The following LRRC69 variants were observed in gnomAD, a reference collection of about 807,000 sequenced individuals.
LRRC69 encodes the protein leucine rich repeat containing 69.
Under a neutral mutation model 37.8 loss-of-function variants are expected in LRRC69, and 42 were observed. That is an observed-to-expected ratio of 1.11 (90% confidence interval 0.87 to 1.44). LRRC69 has a LOEUF of 1.44. Among genes scored for constraint, LRRC69 ranks in the 40% most tolerant of loss-of-function variants. LRRC69 has a pLI of 0.00. For synonymous variants in LRRC69, 141 were observed against 143.1 expected, an observed-to-expected ratio of 0.99 and a Z score of 0.11; for missense variants, 357 against 401.9, an observed-to-expected ratio of 0.89 and a Z score of 0.96.
intron 4 of LRRC69, among the ~76,000 whole-genome samples, chr8:91,133,896 T>G (rs943060876): frequency 6.6e-6 from 1 of 152,042 alleles, no homozygotes. Context: ...CCTCCCAAAG[T>G]GCTGGGATTA....
chr8:91,191,295 A>T (rs115737283), intron 6 of LRRC69, among the ~76,000 whole-genome samples: 6 of 152,140 alleles, frequency 3.9e-5, no homozygotes, highest in Non-Finnish European at 1.5e-5. Context: ...AAATAATTTG[A>T]GTAACAGTTG....
At position 91,198,577 on chromosome 8, in the gene LRRC69, A is replaced by AAG. The variant is rs1563622770; in HGVS notation, c.754-2036_754-2035insAG. ...TGTATAATTTAATAACTCAAAAATT[A>AAG]TAAGGAAAATGTAGGACATATAAAA... On this transcript the variant is annotated intron_variant, in intron 6 of 7. Transcript: ENST00000448384. Among the ~76,000 whole-genome samples, 34 of 151,634 alleles carry AAG rather than the reference A, an allele frequency of 2.2e-4. No homozygotes were observed. The East Asian group carries it at 6.0e-3, about 27-fold the overall frequency.
chr8:91,185,277 G>A (rs1322908857), intron 5 of LRRC69, among the ~76,000 whole-genome samples: 1 of 152,146 alleles, frequency 6.6e-6, no homozygotes, highest in East Asian at 1.9e-4. Flanking sequence ...GCCTGGGCTT[G>A]GGGGCCTTCA....
chr8:91,104,924 A>C (rs1009015825), intron 1 of LRRC69, among the ~76,000 whole-genome samples: 1 of 152,098 alleles, frequency 6.6e-6, no homozygotes, highest in Non-Finnish European at 1.5e-5. Context: ...AAAAAGCCCC[A>C]AGAGTCTGAT....
chr8:91,209,229 C>A (rs939805391), intron 7 of LRRC69, among the ~76,000 whole-genome samples: 3 of 152,034 alleles, frequency 2.0e-5, no homozygotes, highest in East Asian at 1.9e-4. Flanking sequence ...GAATTTGAGA[C>A]CAGCCTGACC....
At chr8:91,107,836 T>A (rs1273319665) in intron 1 of LRRC69, among the ~76,000 whole-genome samples, 2 of 152,084 alleles carry the variant, frequency 1.3e-5, no homozygotes, top group Admixed American at 6.6e-5. Context: ...TCTTGAAATA[T>A]GGGGATGTCA....
At chr8:91,147,518 C>T (rs1808644177) in intron 5 of LRRC69, among the ~76,000 whole-genome samples, 1 of 151,626 alleles carries the variant, frequency 6.6e-6, no homozygotes, top group South Asian at 2.1e-4. Context: ...TATCTTCCCA[C>T]TTCAGCCTCC....
At chr8:91,173,478 A>T (rs986556825) in intron 5 of LRRC69, among the ~76,000 whole-genome samples, 18 of 152,116 alleles carry the variant, frequency 1.2e-4, no homozygotes, top group Non-Finnish European at 2.9e-5. Context: ...AAGTTTTGGC[A>T]TGGGAAGGAG....
At chr8:91,151,714 C>A (rs1015658921) in intron 5 of LRRC69, among the ~76,000 whole-genome samples, 2 of 151,660 alleles carry the variant, frequency 1.3e-5, no homozygotes, top group East Asian at 3.9e-4. Flanking sequence ...ATTGAGGAAT[C>A]ACCACACTGT....
intron 1 of LRRC69, among the ~76,000 whole-genome samples, chr8:91,105,724 G>C (rs1813301445): frequency 6.8e-6 from 1 of 146,502 alleles, no homozygotes; most frequent in African/African-American, 2.6e-5. Flanking sequence ...TTAGAGAATT[G>C]AAAAGGAGAG....
intron 6 of LRRC69, among the ~76,000 whole-genome samples, chr8:91,199,619 T>C (rs1443936167): frequency 6.6e-6 from 1 of 152,182 alleles, no homozygotes; most frequent in Admixed American, 6.5e-5. Context: ...ATGTGGACTA[T>C]TTCAATACTA....
At chr8:91,132,378 G>C (rs1024309678) in intron 3 of LRRC69, among the ~76,000 whole-genome samples, 1 of 152,000 alleles carries the variant, frequency 6.6e-6, no homozygotes, top group African/African-American at 2.4e-5. Flanking sequence ...GTTGTGCTTA[G>C]TAATGTTAAT....
intron 5 of LRRC69, among the ~76,000 whole-genome samples, chr8:91,182,201 T>C (rs534280244): frequency 6.8e-4 from 104 of 152,304 alleles, no homozygotes; most frequent in African/African-American, 2.2e-3. Flanking sequence ...GTTAATATTT[T>C]AGCACATTTC....
At chr8:91,183,639 T>G (rs186486607) in intron 5 of LRRC69, among the ~76,000 whole-genome samples, 5 of 151,054 alleles carry the variant, frequency 3.3e-5, no homozygotes, top group African/African-American at 1.2e-4. Flanking sequence ...GAAGATAAAG[T>G]GCAAAGAGAA....
chr8:91,153,794 A>G (rs1808784275), intron 5 of LRRC69, among the ~76,000 whole-genome samples: 1 of 151,970 alleles, frequency 6.6e-6, no homozygotes, highest in African/African-American at 2.4e-5. Flanking sequence ...TAACATCACA[A>G]CTAAAAGAAC....
At chr8:91,116,923 T>C (rs1388204455) in intron 1 of LRRC69, among the ~76,000 whole-genome samples, 1 of 152,074 alleles carries the variant, frequency 6.6e-6, no homozygotes, top group Admixed American at 6.6e-5. Context: ...GATTCTATAA[T>C]CCAAAGGCAT....
At chr8:91,191,651 T>A (rs191513919) in intron 6 of LRRC69, among the ~76,000 whole-genome samples, 68 of 152,140 alleles carry the variant, frequency 4.5e-4, no homozygotes, top group African/African-American at 1.6e-3. Context: ...CTGAGGGAAA[T>A]GGAGACAGGG....
At chr8:91,185,151 G>A (rs540512838) in intron 5 of LRRC69, among the ~76,000 whole-genome samples, 4 of 152,256 alleles carry the variant, frequency 2.6e-5, no homozygotes, top group East Asian at 1.9e-4. Context: ...GGGACTGTGC[G>A]GTGACACAAA....
In LRRC69 at chr8:91,158,359, G is replaced by A. The variant is rs1808873611; in HGVS notation, c.651+22620G>A. On this transcript the variant is annotated intron_variant, in intron 5 of 7. Transcript: ENST00000448384. Reference sequence around the variant, plus strand: ...TAGTTTTTGATGAGAATGAATCTTGGTATTTAGATGACAACATCAAAACAA... The same window carrying A: ...TAGTTTTTGATGAGAATGAATCTTGATATTTAGATGACAACATCAAAACAA... 8.4e-6 allele frequency: 12 copies of A among 1,436,728 alleles called. No individual in the cohort carries two copies. In the South Asian group the frequency reaches 1.3e-4, roughly 15 times the overall value. 89.0% of individuals were successfully genotyped at this position (1,436,728 alleles called of 1,614,324 possible).
Sources: allele counts gnomAD v4.1 joint callset (sites outside exome capture counted in the v4.1 genomes callset), GRCh38; gene constraint gnomAD v4.1.1; transcripts MANE v1.5; gene names NCBI Gene and HGNC (gene_info 2026-07-23, HGNC 2026-07-21).